SNRK: variants seen among roughly 807,000 people sequenced by gnomAD.
SNRK encodes the protein SNF related kinase.
Under a neutral mutation model 48.2 loss-of-function variants are expected in SNRK, and 3 were observed. The observed-to-expected ratio is 0.06, with a 90% CI of 0.03 to 0.16. The LOEUF (loss-of-function observed/expected upper bound fraction) is 0.16, where lower values mean the gene tolerates loss of function less well. SNRK is among the 10% of genes least tolerant of loss of function. The pLI is 1.00. For missense variants in SNRK, 627 were observed against 976.0 expected, an observed-to-expected ratio of 0.64 and a Z score of 4.76; for synonymous variants, 376 against 366.1, an observed-to-expected ratio of 1.03 and a Z score of -0.31.
At chr3:43,344,051 A>G (rs566841604) in intron 6 of SNRK, among the ~76,000 whole-genome samples, 1 of 152,082 alleles carries the variant, frequency 6.6e-6, no homozygotes, top group Non-Finnish European at 1.5e-5. Flanking sequence ...TATTTACCTC[A>G]TGGGGTTGTG....
chr3:43,305,131 T>C (rs2090927281), intron 3 of SNRK, among the ~76,000 whole-genome samples: 1 of 152,176 alleles, frequency 6.6e-6, no homozygotes, highest in Admixed American at 6.5e-5. Context: ...TGGGAAAAAC[T>C]GAAGTCAGAC....
intron 3 of SNRK, among the ~76,000 whole-genome samples, chr3:43,325,808 T>C (rs1158330087): frequency 6.6e-6 from 1 of 152,184 alleles, no homozygotes. Context: ...AGTTCTCCAA[T>C]GGGTCCCCCC....
Position 43,347,465 on chromosome 3 carries a change from C to T in SNRK, c.1206C>T (p.His402=). Reference sequence around the variant, plus strand: ...CTGCTGACAGTGTCCTCAATGGCCACAGGAGCAAAGGCCTGTGTGACTCAG... The same window carrying T: ...CTGCTGACAGTGTCCTCAATGGCCATAGGAGCAAAGGCCTGTGTGACTCAG... ...ARAADSVLNG[H]RSKGLCDSAK... The change falls in exon 7 of 7, where the codon CAC becomes CAT. Residue 402 remains histidine (H), a synonymous_variant. Coordinates refer to ENST00000296088, the MANE Select transcript of SNRK (RefSeq NM_017719.5). This position sits in a 1 kb window ranked among gnomAD's most constrained non-coding sequence, Gnocchi z 5.4. 9 of 1,614,068 alleles carry T rather than the reference C, an allele frequency of 5.6e-6. No homozygotes were observed. Among genetic ancestry groups the T allele is most frequent in the Non-Finnish European group, 7.6e-6 (9 of 1,180,014 alleles).
chr3:43,305,640 C>T (rs1010989415), intron 3 of SNRK, among the ~76,000 whole-genome samples: 2 of 151,816 alleles, frequency 1.3e-5, no homozygotes, highest in East Asian at 1.9e-4. Context: ...CCTGCCACCA[C>T]GCCTAGCTAA....
At chr3:43,311,667 G>A (rs1303749912) in intron 3 of SNRK, among the ~76,000 whole-genome samples, 1 of 152,106 alleles carries the variant, frequency 6.6e-6, no homozygotes, top group Non-Finnish European at 1.5e-5. Flanking sequence ...TTTATTCAGT[G>A]GAAGAAGAGA....
At chr3:43,317,359 C>T (rs550845693) in intron 3 of SNRK, among the ~76,000 whole-genome samples, 2 of 152,062 alleles carry the variant, frequency 1.3e-5, no homozygotes, top group East Asian at 1.9e-4. Flanking sequence ...AAGAGTATGT[C>T]GGGAATTGCA....
intron 6 of SNRK, among the ~76,000 whole-genome samples, chr3:43,346,448 A>G (rs1311384685): frequency 6.6e-6 from 1 of 152,266 alleles, no homozygotes; most frequent in African/African-American, 2.4e-5. Flanking sequence ...CCTCATTTAA[A>G]AAATTCATCT....
rs1050829502 is a variant in SNRK, at chr3:43,348,500, C to T, written c.2241C>T (p.Asn747=). 2 of 1,581,164 alleles carry T rather than the reference C, an allele frequency of 1.3e-6. No homozygotes were observed. The highest frequency in any genetic ancestry group is 2.7e-5 in the African/African-American group (2 of 73,666). Residue 747 remains asparagine (N), a synonymous_variant, in exon 7 of 7, where the codon AAC becomes AAT. Transcript: ENST00000296088. The part of the protein sequence containing the change: ...EKTISVNIQR[N]PKEGLLCASS... ...CCATCTCTGTGAACATCCAGCGGAA[C>T]CCTAAGGAGGGGCTGCTGTGCGCAT...
In SNRK at chr3:43,347,958, C is replaced by T. The variant is rs771134998; in HGVS notation, c.1699C>T (p.Arg567Trp). The change falls in exon 7 of 7, where the codon CGG becomes TGG. Residue 567 changes from arginine (R) to tryptophan (W), a missense_variant. Transcript: ENST00000296088. The surrounding 1 kb of genome is among the most constrained non-coding windows in gnomAD (Gnocchi z 5.4). Reference protein sequence around the residue: ...DSGFTYSWHRRDSSEGPPGSE... With the variant: ...DSGFTYSWHRWDSSEGPPGSE... ...CGGGTTCACCTACTCCTGGCACCGA[C>T]GGGATAGCAGCGAGGGGCCCCCTGG... 8 of 1,614,066 alleles carry T rather than the reference C, an allele frequency of 5.0e-6. No individual in the cohort carries two copies. Among genetic ancestry groups the T allele is most frequent in the South Asian group, 2.2e-5 (2 of 91,078 alleles).
intron 1 of SNRK, among the ~76,000 whole-genome samples, chr3:43,296,537 C>A (rs948327653): frequency 2.6e-5 from 4 of 151,224 alleles, no homozygotes; most frequent in Non-Finnish European, 2.9e-5. Context: ...TATAGATAAG[C>A]TATAGAAGTA....
Position 43,303,363 on chromosome 3 carries a change from A to G in SNRK, c.160A>G (p.Thr54Ala), listed in dbSNP as rs749271551. The G allele has an allele frequency of 3.7e-6, 6 of 1,614,118 alleles. No individual in the cohort carries two copies. Among genetic ancestry groups the G allele is most frequent in the Admixed American group, 1.7e-5 (1 of 60,008 alleles). ...AGTTATTGACAAGACAAAACTGGAC[A>G]CTCTAGCTACTGGTCATCTTTTCCA... Reference protein sequence around the residue: ...VKVIDKTKLDTLATGHLFQEV... With the variant: ...VKVIDKTKLDALATGHLFQEV... The change falls in exon 3 of 7, where the codon ACT (threonine) becomes GCT (alanine). Residue 54 changes from threonine (T) to alanine (A), a missense_variant. By Grantham distance (58) the Thr-to-Ala change is moderately conservative. Around this residue, in one of 4 missense-constraint regions of SNRK, gnomAD observed 147 missense variants for 356.8 expected, o/e 0.41. Coordinates refer to ENST00000296088, the MANE Select transcript of SNRK (RefSeq NM_017719.5). This position sits in a 1 kb window ranked among gnomAD's most constrained non-coding sequence, Gnocchi z 6.2.
intron 4 of SNRK, among the ~76,000 whole-genome samples, chr3:43,339,237 A>C (rs771548829): frequency 6.6e-6 from 1 of 152,206 alleles, no homozygotes; most frequent in African/African-American, 2.4e-5. Flanking sequence ...ACCAGCTTGT[A>C]GTTAGAAGAT....
intron 4 of SNRK, among the ~76,000 whole-genome samples, chr3:43,337,386 T>A (rs891864279): frequency 3.9e-5 from 6 of 152,104 alleles, no homozygotes; most frequent in African/African-American, 1.4e-4. Context: ...CTCATGTTTT[T>A]ATACTTAATT....
chr3:43,302,834 T>C (rs1575535125), intron 2 of SNRK, among the ~76,000 whole-genome samples: 2 of 152,250 alleles, frequency 1.3e-5, no homozygotes, highest in South Asian at 2.1e-4. Context: ...AGTTTTCTTA[T>C]TACTCACATC....
chr3:43,319,566 T>TG (rs2091038695), intron 3 of SNRK, among the ~76,000 whole-genome samples: 1 of 152,160 alleles, frequency 6.6e-6, no homozygotes, highest in South Asian at 2.1e-4. Context: ...TGGAATTGGA[T>TG]GGGGCGGTGC....
At position 43,296,421 on chromosome 3, in the gene SNRK, T is replaced by TATATATATAC. The variant is rs1553632588; in HGVS notation, c.-168-3324_-168-3323insCATATATATA. 5.5e-3 allele frequency among the ~76,000 whole-genome samples: 796 copies of TATATATATAC among 144,678 alleles called. 15 individuals are homozygous for TATATATATAC. Among genetic ancestry groups the TATATATATAC allele is most frequent in the African/African-American group, 0.017 (683 of 39,286 alleles). The allele number at this position is 144,678 out of a possible 152,430, so 94.9% of individuals were successfully genotyped here. A position where few individuals can be genotyped will look rare whatever the true frequency, so the allele number is the denominator to read the frequency against. ...TATTAGATGGATATACTGGCATATA[T>TATATATATAC]ATATATATATATGTATATATATATA... On this transcript the variant is annotated intron_variant, in intron 1 of 6. Transcript: ENST00000296088.
chr3:43,299,335 G>A (rs896675094), intron 1 of SNRK, among the ~76,000 whole-genome samples: 8 of 152,120 alleles, frequency 5.3e-5, no homozygotes, highest in South Asian at 2.1e-4. Flanking sequence ...CCGCCTCCAC[G>A]CCTGGCTAAT....
chr3:43,341,658 A>G (rs1327890739), intron 5 of SNRK, among the ~76,000 whole-genome samples: 1 of 152,234 alleles, frequency 6.6e-6, no homozygotes, highest in Non-Finnish European at 1.5e-5. Context: ...TAGGAGGCAA[A>G]AAAGGGGCTC....
Position 43,348,665 on chromosome 3 carries a change from A to G in SNRK, c.*108A>G, listed in dbSNP as rs762596486. On this transcript the variant is annotated 3_prime_UTR_variant, in exon 7 of 7. Transcript: ENST00000296088. ...TATTTTAAAGTGGGCGTTAGGAGCA[A>G]TTATTTATTACCTTTCCATTTGTTC... 8.6e-6 allele frequency: 10 copies of G among 1,162,682 alleles called. No individual in the cohort carries two copies. Among genetic ancestry groups the G allele is most frequent in the East Asian group, 2.8e-5 (1 of 35,148 alleles). The allele number at this position is 1,162,682 out of a possible 1,614,324, so 72.0% of individuals were successfully genotyped here.
Sources: allele counts gnomAD v4.1 joint callset (sites outside exome capture counted in the v4.1 genomes callset), GRCh38; gene constraint gnomAD v4.1.1; regional missense constraint gnomAD v4.1.1; non-coding constraint Gnocchi (gnomAD v3.1); transcripts MANE v1.5; gene names NCBI Gene and HGNC (gene_info 2026-07-23, HGNC 2026-07-21).